TJP1: variants seen among roughly 807,000 people sequenced by gnomAD.
The protein encoded by TJP1 is tight junction protein 1.
A neutral mutation model predicts 194.2 loss-of-function variants in TJP1; 43 were observed. The ratio of observed to expected loss-of-function variants is 0.22; its 90% CI spans 0.17 to 0.29. The LOEUF is 0.29. TJP1 is among the 10% of genes least tolerant of loss of function. The pLI, the probability that TJP1 is intolerant of heterozygous loss-of-function variation, is 1.00. For missense variants in TJP1, 1,971 were observed against 2,185.7 expected (o/e 0.90, Z 1.96); for synonymous variants, 801 against 779.0 (o/e 1.03, Z -0.47).
At position 29,750,962 on chromosome 15, in the gene TJP1, A is replaced by C. The variant is rs141773496; in HGVS notation, c.1011-8181T>G. 1.4e-4 allele frequency among the ~76,000 whole-genome samples: 21 copies of C among 152,360 alleles called. 1 individual carries two copies. Among genetic ancestry groups the C allele is most frequent in the African/African-American group, 5.0e-4 (21 of 41,588 alleles). On this transcript the variant is annotated intron_variant, in intron 8 of 27. Transcript: ENST00000614355. ...GTATTCCAAAGTTTTTTCCACTGACAGGAAAATTTCAGCCTGGAAGGCTCT... is the reference window on the plus strand; with the variant it reads ...GTATTCCAAAGTTTTTTCCACTGACCGGAAAATTTCAGCCTGGAAGGCTCT...
intron 1 of TJP1, chr15:29,956,403 C>A: frequency 7.9e-7 from 1 of 1,267,886 alleles, no homozygotes; most frequent in Non-Finnish European, 1.0e-6. Context: ...GGCAGGTTTA[C>A]AGGTGAACAC....
intron 2 of TJP1, among the ~76,000 whole-genome samples, chr15:29,925,457 G>A (rs912004901): frequency 2.6e-5 from 4 of 152,130 alleles, no homozygotes; most frequent in African/African-American, 7.2e-5. Context: ...ACACTCAGGC[G>A]CTACTCCTCT....
intron 2 of TJP1, among the ~76,000 whole-genome samples, chr15:29,940,599 T>C (rs1334692350): frequency 6.6e-6 from 1 of 152,218 alleles, no homozygotes; most frequent in Non-Finnish European, 1.5e-5. Flanking sequence ...AGATTCACTA[T>C]GTTATTTATA....
rs550055979 is a variant in TJP1, at chr15:29,800,755, A to G, written c.28-53T>C. ...TTTACCTTTTAAGAAAATGTCCTTA[A>G]TAAGGTGAGCAAGAACATCCAACAA... On this transcript the variant is annotated intron_variant, in intron 1 of 27. Coordinates refer to ENST00000614355, the MANE Select transcript of TJP1 (RefSeq NM_001330239.4). 234 of 1,571,462 alleles carry G rather than the reference A, an allele frequency of 1.5e-4. 1 individual carries two copies. Among genetic ancestry groups the G allele is most frequent in the Non-Finnish European group, 8.1e-5 (93 of 1,146,498 alleles).
chr15:29,757,742 T>C (rs892979765), intron 8 of TJP1, among the ~76,000 whole-genome samples: 5 of 152,196 alleles, frequency 3.3e-5, no homozygotes, highest in East Asian at 1.9e-4. Flanking sequence ...TTATACACTA[T>C]ACTTTCTAAC....
intron 1 of TJP1, among the ~76,000 whole-genome samples, chr15:29,813,520 T>C (rs2049681150): frequency 6.6e-6 from 1 of 152,126 alleles, no homozygotes; most frequent in South Asian, 2.1e-4. Flanking sequence ...AACATAATCT[T>C]ACAAACATAA....
At chr15:29,840,982 T>C (rs1596081965) in intron 2 of TJP1, among the ~76,000 whole-genome samples, 2 of 152,270 alleles carry the variant, frequency 1.3e-5, no homozygotes, top group Admixed American at 1.3e-4. Flanking sequence ...AATTGCAAAC[T>C]GTGAACCAGA....
At chr15:29,787,986 T>C (rs1294911153) in intron 2 of TJP1, among the ~76,000 whole-genome samples, 1 of 152,204 alleles carries the variant, frequency 6.6e-6, no homozygotes, top group Non-Finnish European at 1.5e-5. Context: ...CTTTATTGTC[T>C]TTCTGAGTAC....
chr15:29,702,473 G>A (rs1209314231), intron 27 of TJP1, among the ~76,000 whole-genome samples: 4 of 152,184 alleles, frequency 2.6e-5, no homozygotes, highest in Non-Finnish European at 4.4e-5. Context: ...AGCTGTGGAC[G>A]TTTGCTTCCC....
At chr15:29,908,750 A>T (rs1189300148) in intron 2 of TJP1, among the ~76,000 whole-genome samples, 5 of 152,140 alleles carry the variant, frequency 3.3e-5, no homozygotes, top group Admixed American at 3.3e-4. Flanking sequence ...CGGGCACAGC[A>T]GCTCATGCCT....
At position 29,704,323 on chromosome 15, in the gene TJP1, G is replaced by T. The variant is rs983920159; in HGVS notation, c.5069-18C>A. ...TGTTTCACCTGGAGTTGGAAAAGGG[G>T]ATAGGCAGAGAGGATGGATGTGGTC... On this transcript the variant is annotated intron_variant, in intron 26 of 27. Coordinates refer to ENST00000614355, the MANE Select transcript of TJP1 (RefSeq NM_001330239.4). 2.5e-6 allele frequency: 4 copies of T among 1,573,826 alleles called. No homozygotes were observed. In the South Asian group the frequency reaches 3.5e-5, roughly 14 times the overall value.
At chr15:29,798,306 A>C (rs1432231676) in intron 2 of TJP1, among the ~76,000 whole-genome samples, 1 of 150,762 alleles carries the variant, frequency 6.6e-6, no homozygotes, top group Non-Finnish European at 1.5e-5. Flanking sequence ...TAAATCTGAC[A>C]ATACGGATTG....
At chr15:29,940,204 G>C (rs1318888565) in intron 2 of TJP1, among the ~76,000 whole-genome samples, 7 of 152,116 alleles carry the variant, frequency 4.6e-5, no homozygotes, top group Non-Finnish European at 7.3e-5. Flanking sequence ...TTCTCCACCT[G>C]CCATAGGAAA....
chr15:29,805,571 TG>T (rs1202921203), intron 1 of TJP1, among the ~76,000 whole-genome samples: 1 of 152,056 alleles, frequency 6.6e-6, no homozygotes, highest in Non-Finnish European at 1.5e-5. Flanking sequence ...GTATCAGACA[TG>T]GTAAGTGTTG....
intron 2 of TJP1, among the ~76,000 whole-genome samples, chr15:29,950,627 CG>C (rs1420678033): frequency 6.6e-6 from 1 of 152,136 alleles, no homozygotes; most frequent in Non-Finnish European, 1.5e-5. Context: ...GGAGTGAGAA[CG>C]GGGGAAGGGG....
intron 2 of TJP1, among the ~76,000 whole-genome samples, chr15:29,935,507 T>A (rs1444966472): frequency 6.6e-6 from 1 of 152,186 alleles, no homozygotes; most frequent in Non-Finnish European, 1.5e-5. Flanking sequence ...AAGACTCTCA[T>A]GCCTGCTTCA....
intron 2 of TJP1, among the ~76,000 whole-genome samples, chr15:29,933,998 C>T (rs937312648): frequency 1.7e-4 from 26 of 151,812 alleles, no homozygotes; most frequent in African/African-American, 6.0e-4. Context: ...AGCATCCACA[C>T]TAAACTATAC....
intron 2 of TJP1, among the ~76,000 whole-genome samples, chr15:29,845,685 G>A (rs2051380675): frequency 6.6e-6 from 1 of 152,004 alleles, no homozygotes; most frequent in African/African-American, 2.4e-5. Context: ...GGCGCCTGTA[G>A]CCCCAGCTGT....
Position 29,822,096 on chromosome 15 carries a change from C to A in TJP1, c.-68G>T. On this transcript the variant is annotated 5_prime_UTR_variant, in exon 1 of 28. Coordinates refer to ENST00000614355, the MANE Select transcript of TJP1 (RefSeq NM_001330239.4). ...ACTCCGCGGCGCTGGCCCGCCCGCT[C>A]CTCACGCCACAGCCCAAATAAACAT... 8.1e-7 allele frequency: 1 copy of A among 1,238,310 alleles called. No individual in the cohort carries two copies. Among genetic ancestry groups the A allele is most frequent in the South Asian group, 3.4e-5 (1 of 29,136 alleles). 76.7% of individuals were successfully genotyped at this position (1,238,310 alleles called of 1,614,324 possible).
Sources: gnomAD v4.1 joint callset for allele counts (sites outside exome capture counted in the v4.1 genomes callset) on GRCh38, gnomAD v4.1.1 for gene constraint, MANE v1.5 for transcripts, NCBI Gene and HGNC (gene_info 2026-07-23, HGNC 2026-07-21) for gene names.